Variants in LPIN2 observed in about 807,000 individuals in gnomAD.
The protein encoded by LPIN2 is phosphatidate phosphatase LPIN2.
In LPIN2, 55 loss-of-function variants were observed where a neutral mutation model predicts 111.4. The observed-to-expected ratio is 0.49, with a 90% confidence interval of 0.40 to 0.62. LPIN2 has a LOEUF of 0.62. LPIN2 is among the 20% of genes least tolerant of loss of function. The pLI is 0.00. For missense variants in LPIN2, 992 were observed against 1,112.1 expected (o/e 0.89, Z 1.54); for synonymous variants, 425 against 414.0 (o/e 1.03, Z -0.32).
intron 16 of LPIN2, among the ~76,000 whole-genome samples, chr18:2,922,752 T>C (rs939895536): frequency 2.6e-5 from 4 of 152,178 alleles, no homozygotes; most frequent in Non-Finnish European, 4.4e-5. Context: ...TAAGTACTGA[T>C]ATAAAATGTT....
At chr18:2,972,385 T>C (rs928068651) in intron 1 of LPIN2, 1 of 152,150 alleles carries the variant, frequency 6.6e-6, no homozygotes, top group Admixed American at 6.5e-5. Context: ...GGGGCAAGGG[T>C]GCCGTAACTG....
At chr18:2,997,937 CCTT>C (rs1191695772) in intron 1 of LPIN2, among the ~76,000 whole-genome samples, 1 of 152,228 alleles carries the variant, frequency 6.6e-6, no homozygotes, top group Non-Finnish European at 1.5e-5. Context: ...TGAAGTGTCT[CCTT>C]GTCTCAGTTA....
At chr18:3,003,735 C>T (rs767674958) in intron 1 of LPIN2, among the ~76,000 whole-genome samples, 21 of 152,108 alleles carry the variant, frequency 1.4e-4, no homozygotes, top group Non-Finnish European at 2.8e-4. Flanking sequence ...GATTGTAAAA[C>T]GTGTGTTTGA....
At chr18:2,958,141 C>CAAAAAA (rs1224779773) in intron 2 of LPIN2, among the ~76,000 whole-genome samples, 311 of 11,892 alleles carry the variant, frequency 0.026, 82 homozygotes, top group East Asian at 0.074. Context: ...GACTCCATCT[C>CAAAAAA]AAAAAAAAAA....
At chr18:2,928,981 A>C (rs1166776281) in intron 10 of LPIN2, 84 bp downstream of exon 10, 1 of 911,922 alleles carries the variant, frequency 1.1e-6, no homozygotes, top group African/African-American at 1.6e-5. Flanking sequence ...ATAAGAAGGA[A>C]CACTTTTATA....
At chr18:2,944,263 T>C (rs1188047645) in intron 4 of LPIN2, among the ~76,000 whole-genome samples, 10 of 150,666 alleles carry the variant, frequency 6.6e-5, no homozygotes, top group Admixed American at 6.6e-4. Context: ...AGCTATTTTA[T>C]TTAACATGTA....
chr18:2,934,854 TCA>T (rs949340000), intron 7 of LPIN2, among the ~76,000 whole-genome samples: 1 of 152,196 alleles, frequency 6.6e-6, no homozygotes, highest in Non-Finnish European at 1.5e-5. Flanking sequence ...CACAGGATAT[TCA>T]CATGGTGCCC....
intron 8 of LPIN2, among the ~76,000 whole-genome samples, 153 bp downstream of exon 8, chr18:2,934,198 C>T (rs910223625): frequency 1.3e-5 from 2 of 152,072 alleles, no homozygotes; most frequent in Non-Finnish European, 2.9e-5. Context: ...ATAAGACACG[C>T]GCTATTTCTA....
At chr18:2,934,948 AAAC>A (rs1389030893) in intron 7 of LPIN2, among the ~76,000 whole-genome samples, 3 of 152,230 alleles carry the variant, frequency 2.0e-5, no homozygotes, top group African/African-American at 7.2e-5. Context: ...ATAACATCTT[AAAC>A]AATAATCACG....
intron 1 of LPIN2, among the ~76,000 whole-genome samples, chr18:2,992,795 A>G (rs2078284274): frequency 6.6e-6 from 1 of 152,008 alleles, no homozygotes; most frequent in Non-Finnish European, 1.5e-5. Flanking sequence ...CGTCCTGGCT[A>G]ACACAGTGAA....
chr18:2,999,477 C>A (rs915284805), intron 1 of LPIN2, among the ~76,000 whole-genome samples: 2 of 151,996 alleles, frequency 1.3e-5, no homozygotes, highest in Middle Eastern at 6.8e-3. Context: ...CGGTTGCAGG[C>A]GCCTGTAGTC....
intron 1 of LPIN2, among the ~76,000 whole-genome samples, chr18:2,975,811 T>C (rs1325270959): frequency 1.3e-5 from 2 of 152,192 alleles, no homozygotes; most frequent in Non-Finnish European, 2.9e-5. Flanking sequence ...TAATTCCACA[T>C]ACAAAAGGCA....
chr18:2,933,772 T>C (rs74753057), intron 8 of LPIN2, among the ~76,000 whole-genome samples: 1,824 of 152,160 alleles, frequency 0.012, 12 homozygotes, highest in Middle Eastern at 0.017. Context: ...GGGAAGGCAG[T>C]CCAAGTGTAT....
In LPIN2 at chr18:2,917,596, TTTTTTC is replaced by T. The variant is rs777601819; in HGVS notation, c.*2691_*2696del. 18 of 152,152 alleles carry T rather than the reference TTTTTTC, an allele frequency of 1.2e-4. No individual in the cohort carries two copies. The highest frequency in any genetic ancestry group is 1.3e-4 in the Admixed American group (2 of 15,286). 9.4% of individuals were successfully genotyped at this position (152,152 alleles called of 1,614,324 possible). On this transcript the variant is annotated 3_prime_UTR_variant, in exon 20 of 20. Transcript: ENST00000677752. ...CATTTTAGGACATCCCATTTTTAAG[TTTTTTC>T]TTTTTCCAGTTGAAAACTATGCAGA...
chr18:2,955,465 G>A (rs558895098), intron 2 of LPIN2, among the ~76,000 whole-genome samples: 1 of 152,250 alleles, frequency 6.6e-6, no homozygotes, highest in Admixed American at 6.5e-5. Context: ...TCATCCCCAA[G>A]TGGATGGTGC....
rs553432021 is a variant in LPIN2, at chr18:3,008,641, T to G, written c.-10+4446A>C. Reference sequence around the variant, plus strand: ...CCCATCTTTAGCTCCTCCCTTCATCTAATACAGCTTAGTCATAACCACCAA... The same window carrying G: ...CCCATCTTTAGCTCCTCCCTTCATCGAATACAGCTTAGTCATAACCACCAA... On this transcript the variant is annotated intron_variant, in intron 1 of 19. Coordinates refer to ENST00000677752, the MANE Select transcript of LPIN2 (RefSeq NM_001375808.2). Among the ~76,000 whole-genome samples the G allele has an allele frequency of 3.0e-4, 45 of 152,342 alleles. 1 individual carries two copies. Among genetic ancestry groups the G allele is most frequent in the Admixed American group, 2.9e-3 (45 of 15,298 alleles).
chr18:2,974,228 C>T (rs1229011365), intron 1 of LPIN2, among the ~76,000 whole-genome samples: 1 of 152,182 alleles, frequency 6.6e-6, no homozygotes, highest in Non-Finnish European at 1.5e-5. Context: ...GGGCGCCTGC[C>T]ACCACGCCCA....
In LPIN2 at chr18:2,924,508, C is replaced by G; in HGVS notation, c.1977G>C (p.Val659=). Residue 659 remains valine (V), a synonymous_variant, in exon 15 of 20, where the codon GTG becomes GTC. Transcript: ENST00000677752. The part of the protein sequence containing the change: ...LKLHDGPNDV[V]FSITTQYQGT... Reference sequence around the variant, plus strand: ...CTTGATACTGGGTTGTAATACTAAACACAACATCATTTGGGCCATCGTGGA... The same window carrying G: ...CTTGATACTGGGTTGTAATACTAAAGACAACATCATTTGGGCCATCGTGGA... The G allele has an allele frequency of 6.2e-7, 1 of 1,614,200 alleles. No individual in the cohort carries two copies. Among genetic ancestry groups the G allele is most frequent in the East Asian group, 2.2e-5 (1 of 44,884 alleles).
chr18:2,927,664 A>C (rs1188362537), intron 12 of LPIN2, 58 bp downstream of exon 12: 2 of 1,581,238 alleles, frequency 1.3e-6, no homozygotes, highest in East Asian at 4.5e-5. Flanking sequence ...GGTTTTTTGA[A>C]TAAATGAAAG....
Sources: gnomAD v4.1 joint callset for allele counts (sites outside exome capture counted in the v4.1 genomes callset) on GRCh38, gnomAD v4.1.1 for gene constraint, MANE v1.5 for transcripts, NCBI Gene and HGNC (gene_info 2026-07-23, HGNC 2026-07-21) for gene names.